Variants in ANKRD62 observed in about 807,000 individuals in gnomAD.
ANKRD62 encodes ankyrin repeat domain 62, also known as ankyrin repeat domain-containing protein 62.
A neutral mutation model predicts 98.8 loss-of-function variants in ANKRD62; 61 were observed. That is an observed-to-expected ratio of 0.62 (90% CI 0.50 to 0.76). The LOEUF (loss-of-function observed/expected upper bound fraction) is 0.76, where lower values mean the gene tolerates loss of function less well. ANKRD62 is among the 30% of genes least tolerant of loss of function. ANKRD62 has a pLI of 0.00. For missense variants in ANKRD62, 933 were observed against 1,082.9 expected (o/e 0.86, Z 1.94); for synonymous variants, 341 against 367.9 (o/e 0.93, Z 0.84).
chr18:12,172,295 T>G, the ANKRD62 span, among the ~76,000 whole-genome samples: 3 of 152,228 alleles, frequency 2.0e-5, no homozygotes, highest in Non-Finnish European at 4.4e-5. Context: ...TGGTGTTCGA[T>G]GATGGTGATG....
the ANKRD62 span, among the ~76,000 whole-genome samples, chr18:12,177,421 C>G: frequency 6.6e-6 from 1 of 152,312 alleles, no homozygotes; most frequent in Non-Finnish European, 1.5e-5. Flanking sequence ...TAAGATGTCC[C>G]TTCAGCACCA....
downstream of ANKRD62, among the ~76,000 whole-genome samples, chr18:12,134,203 T>C (rs975242861): frequency 3.9e-5 from 6 of 152,174 alleles, no homozygotes; most frequent in African/African-American, 1.4e-4. Context: ...ATAAATGGCA[T>C]AAGATACCAA....
the ANKRD62 span, among the ~76,000 whole-genome samples, chr18:12,173,391 C>A: frequency 6.6e-6 from 1 of 152,222 alleles, no homozygotes; most frequent in Non-Finnish European, 1.5e-5. Context: ...TGTGTCATTG[C>A]ATGTGAAATC....
the ANKRD62 span, among the ~76,000 whole-genome samples, chr18:12,152,484 C>A: frequency 6.6e-6 from 1 of 152,150 alleles, no homozygotes; most frequent in Non-Finnish European, 1.5e-5. Context: ...AAGACAAAAA[C>A]CACAATTATC....
the ANKRD62 span, among the ~76,000 whole-genome samples, chr18:12,172,235 T>C: frequency 6.6e-6 from 1 of 152,246 alleles, no homozygotes; most frequent in Non-Finnish European, 1.5e-5. Flanking sequence ...TTTAGAATTT[T>C]CAGCTTTTCT....
the ANKRD62 span, among the ~76,000 whole-genome samples, chr18:12,168,329 A>T: frequency 0.92 from 140,060 of 151,722 alleles, 64,851 homozygotes; most frequent in Middle Eastern, 0.99. Flanking sequence ...TAAGGAAGGG[A>T]TCCAGTTTCA....
chr18:12,145,971 T>C, the ANKRD62 span, among the ~76,000 whole-genome samples: 8 of 152,018 alleles, frequency 5.3e-5, no homozygotes, highest in African/African-American at 1.7e-4. Flanking sequence ...CCAGTGTTCC[T>C]TGGCCGACAG....
chr18:12,145,846 C>T, the ANKRD62 span, among the ~76,000 whole-genome samples: 1 of 151,866 alleles, frequency 6.6e-6, no homozygotes, highest in Non-Finnish European at 1.5e-5. Flanking sequence ...CTTTCTTAAG[C>T]ATGTCCTGGA....
chr18:12,111,533 AC>A (rs1302340526), intron 8 of ANKRD62, among the ~76,000 whole-genome samples: 1 of 152,174 alleles, frequency 6.6e-6, no homozygotes, highest in African/African-American at 2.4e-5. Context: ...CTTCTTTTCA[AC>A]GTAGTATTGT....
chr18:12,136,401 A>G, the ANKRD62 span, among the ~76,000 whole-genome samples: 2 of 152,132 alleles, frequency 1.3e-5, no homozygotes, highest in Non-Finnish European at 2.9e-5. Flanking sequence ...CCATTGGTCT[A>G]TATCTCTGTT....
chr18:12,137,523 T>C, the ANKRD62 span, among the ~76,000 whole-genome samples: 5 of 152,210 alleles, frequency 3.3e-5, no homozygotes, highest in African/African-American at 1.2e-4. Context: ...TTTGGTTGTG[T>C]CTCTGCCAGG....
At chr18:12,134,351 C>T (rs920662460), downstream of ANKRD62, among the ~76,000 whole-genome samples, 3 of 152,084 alleles carry the variant, frequency 2.0e-5, no homozygotes, top group Non-Finnish European at 4.4e-5. Flanking sequence ...TAACTATAGT[C>T]CCTGCCTTTC....
chr18:12,117,185 A>G (rs951934134), intron 10 of ANKRD62, among the ~76,000 whole-genome samples: 3 of 152,212 alleles, frequency 2.0e-5, no homozygotes, highest in African/African-American at 7.2e-5. Flanking sequence ...GATTTTCTAC[A>G]TAGACCAAAG....
the ANKRD62 span, among the ~76,000 whole-genome samples, chr18:12,171,625 GCTCT>G: frequency 5.3e-5 from 8 of 152,144 alleles, no homozygotes; most frequent in African/African-American, 1.9e-4. Flanking sequence ...TCTTGGGGTT[GCTCT>G]TCTCGAGGAG....
At chr18:12,161,093 T>G in the ANKRD62 span, among the ~76,000 whole-genome samples, 1 of 152,166 alleles carries the variant, frequency 6.6e-6, no homozygotes, top group African/African-American at 2.4e-5. Context: ...TGTGTCTACC[T>G]ATTAAACAGT....
At position 12,095,494 on chromosome 18, in the gene ANKRD62, C is replaced by T. The variant is rs1431845180; in HGVS notation, c.391C>T (p.Pro131Ser). 4 of 1,573,352 alleles carry T rather than the reference C, an allele frequency of 2.5e-6. No homozygotes were observed. Among genetic ancestry groups the T allele is most frequent in the Non-Finnish European group, 3.4e-6 (4 of 1,165,104 alleles). Reference sequence around the variant, plus strand: ...CATCCTGCTGGAACATGGCGCCAACCCAAATGTTAGAGATATGTATGGCAA... The same window carrying T: ...CATCCTGCTGGAACATGGCGCCAACTCAAATGTTAGAGATATGTATGGCAA... ...ASILLEHGAN[P>S]NVRDMYGNTA... The change falls in exon 3 of 14, where the codon CCA becomes TCA. Residue 131 changes from proline to serine, a missense_variant. Transcript: ENST00000587848.
downstream of ANKRD62, among the ~76,000 whole-genome samples, chr18:12,132,376 C>T (rs933607504): frequency 1.8e-4 from 27 of 151,980 alleles, no homozygotes; most frequent in Admixed American, 1.8e-3. Context: ...ATAGTTTTAC[C>T]TATTTCTTTT....
the ANKRD62 span, among the ~76,000 whole-genome samples, chr18:12,172,304 T>A: frequency 6.6e-6 from 1 of 152,176 alleles, no homozygotes; most frequent in Non-Finnish European, 1.5e-5. Context: ...ATGATGGTGA[T>A]GTACAGATGG....
chr18:12,105,873 C>A (rs1909402920), intron 7 of ANKRD62, among the ~76,000 whole-genome samples: 1 of 152,036 alleles, frequency 6.6e-6, no homozygotes, highest in Admixed American at 6.5e-5. Flanking sequence ...CTAGGGTTAG[C>A]CTATAGGAAA....
Sources: allele counts gnomAD v4.1 joint callset (sites outside exome capture counted in the v4.1 genomes callset), GRCh38; gene constraint gnomAD v4.1.1; transcripts MANE v1.5; gene names NCBI Gene and HGNC (gene_info 2026-07-23, HGNC 2026-07-21).